PDZD2: variants seen among roughly 807,000 people sequenced by gnomAD.
The protein encoded by PDZD2 is PDZ domain containing 2.
PDZD2 carries 90 observed loss-of-function variants against 220.7 expected under a neutral mutation model. The observed-to-expected ratio is 0.41, with a 90% confidence interval of 0.34 to 0.49. PDZD2 has a LOEUF of 0.49. PDZD2 is among the 20% of genes least tolerant of loss of function. The pLI is 0.28. For synonymous variants in PDZD2, 1,375 were observed against 1,450.5 expected, an observed-to-expected ratio of 0.95 and a Z score of 1.18; for missense variants, 3,174 against 3,608.5, an observed-to-expected ratio of 0.88 and a Z score of 3.08.
At chr5:31,889,609 G>GA (rs1038114618) in intron 2 of PDZD2, among the ~76,000 whole-genome samples, 1 of 152,210 alleles carries the variant, frequency 6.6e-6, no homozygotes, top group African/African-American at 2.4e-5. Context: ...AGCCAAGGGG[G>GA]AAAAGCCCTT....
Position 32,088,400 on chromosome 5 carries a change from G to A in PDZD2, c.4952G>A (p.Cys1651Tyr). Residue 1651 changes from cysteine to tyrosine, a missense_variant, in exon 20 of 25, where the codon TGC (cysteine) becomes TAC (tyrosine). By Grantham distance (194) the Cys-to-Tyr change is radical (BLOSUM62 -2). Coordinates refer to ENST00000438447, the MANE Select transcript of PDZD2 (RefSeq NM_178140.4). This position sits in a 1 kb window ranked among gnomAD's most constrained non-coding sequence, Gnocchi z 4.6. ...GCCAGTCCCCGTGAGAAGGCCGCCT[G>A]CTTGCCAGGCTCATACACTTCAGGC... Reference protein sequence around the residue: ...SVASPREKAACLPGSYTSGPD... With the variant: ...SVASPREKAAYLPGSYTSGPD... 6.2e-7 allele frequency: 1 copy of A among 1,613,974 alleles called. No homozygotes were observed. The highest frequency in any genetic ancestry group is 8.5e-7 in the Non-Finnish European group (1 of 1,179,960).
chr5:31,985,831 C>G (rs1471373114), intron 3 of PDZD2, among the ~76,000 whole-genome samples: 2 of 152,008 alleles, frequency 1.3e-5, no homozygotes, highest in African/African-American at 4.8e-5. Context: ...GTAATCCCAG[C>G]ACTTTGGGAG....
intron 2 of PDZD2, among the ~76,000 whole-genome samples, chr5:31,876,073 T>C (rs1739272875): frequency 6.6e-6 from 1 of 152,148 alleles, no homozygotes; most frequent in African/African-American, 2.4e-5. Context: ...TGTTGTCTTC[T>C]CTTCTCCATA....
At chr5:32,007,048 A>T (rs554384350) in intron 5 of PDZD2, among the ~76,000 whole-genome samples, 15 of 151,016 alleles carry the variant, frequency 9.9e-5, no homozygotes, top group South Asian at 2.1e-4. Context: ...CCTGAGTAGC[A>T]GGGACTACAG....
intron 1 of PDZD2, among the ~76,000 whole-genome samples, chr5:31,713,955 C>T (rs1748285503): frequency 6.6e-6 from 1 of 152,202 alleles, no homozygotes; most frequent in African/African-American, 2.4e-5. Context: ...GCCAAATAAA[C>T]ATCTTTTCTT....
chr5:31,726,107 G>A (rs1386566652), intron 1 of PDZD2, among the ~76,000 whole-genome samples: 4 of 152,168 alleles, frequency 2.6e-5, no homozygotes, highest in Non-Finnish European at 5.9e-5. Context: ...AACTCACTCC[G>A]TCCTGAGCCT....
At chr5:32,001,572 C>G (rs553196140) in intron 5 of PDZD2, among the ~76,000 whole-genome samples, 17 of 152,336 alleles carry the variant, frequency 1.1e-4, no homozygotes, top group African/African-American at 3.8e-4. Context: ...CTCCACGGGT[C>G]CTCCACAGGT....
chr5:31,794,653 C>T (rs770260193), intron 1 of PDZD2, among the ~76,000 whole-genome samples: 3 of 152,066 alleles, frequency 2.0e-5, no homozygotes, highest in African/African-American at 4.8e-5. Flanking sequence ...GTGATCTGCC[C>T]GCCTGGGCCT....
intron 2 of PDZD2, among the ~76,000 whole-genome samples, chr5:31,801,978 G>A (rs1754419507): frequency 6.6e-6 from 1 of 152,104 alleles, no homozygotes; most frequent in South Asian, 2.1e-4. Flanking sequence ...TACTTGTTGG[G>A]GGAGTGACAG....
chr5:31,862,038 CATT>C (rs376637749), intron 2 of PDZD2, among the ~76,000 whole-genome samples: 424 of 148,548 alleles, frequency 2.9e-3, no homozygotes, highest in African/African-American at 0.01. Flanking sequence ...GGTATTCAAA[CATT>C]ATTGTGAATG....
chr5:31,807,021 A>T (rs980641163), intron 2 of PDZD2, among the ~76,000 whole-genome samples: 13 of 138,872 alleles, frequency 9.4e-5, no homozygotes, highest in Admixed American at 6.3e-4. Context: ...TGCAACCTCC[A>T]CCTCCCGGGT....
chr5:31,941,440 G>A (rs1438555494), intron 2 of PDZD2, among the ~76,000 whole-genome samples: 1 of 152,202 alleles, frequency 6.6e-6, no homozygotes, highest in Non-Finnish European at 1.5e-5. Context: ...ACCTGGAGGG[G>A]AAACAGAAAA....
intron 24 of PDZD2, among the ~76,000 whole-genome samples, chr5:32,101,788 CTCTT>C (rs1286204987): frequency 6.6e-6 from 1 of 152,200 alleles, no homozygotes; most frequent in Non-Finnish European, 1.5e-5. Flanking sequence ...AAATATCCAT[CTCTT>C]TATCAACTTG....
intron 1 of PDZD2, among the ~76,000 whole-genome samples, chr5:31,689,471 G>C (rs1747033082): frequency 6.7e-6 from 1 of 149,746 alleles, no homozygotes; most frequent in African/African-American, 2.5e-5. Context: ...TGAGATTACA[G>C]GTGTGAGCCA....
chr5:31,696,680 T>C (rs1747393680), intron 1 of PDZD2, among the ~76,000 whole-genome samples: 1 of 152,192 alleles, frequency 6.6e-6, no homozygotes, highest in Non-Finnish European at 1.5e-5. Context: ...TTCTCTCCCT[T>C]GCTGTCTTTC....
intron 2 of PDZD2, among the ~76,000 whole-genome samples, chr5:31,812,643 T>C (rs138586073): frequency 6.6e-6 from 1 of 152,316 alleles, no homozygotes; most frequent in East Asian, 1.9e-4. Flanking sequence ...GGACTGGAGT[T>C]TATGTAGGCT....
rs576120223 is a variant in PDZD2 at position 32,004,779 on chromosome 5, T to C, written c.1254+4508T>C. Among the ~76,000 whole-genome samples, 3 of 152,364 alleles carry C rather than the reference T, an allele frequency of 2.0e-5. No homozygotes were observed. In the East Asian group the frequency reaches 5.8e-4, roughly 29 times the overall value. ...TAGAGCCAATGGTATTAGAAAAAGA[T>C]AATGTGTTCCTGCTAGAGGCTTTGA... On this transcript the variant is annotated intron_variant, in intron 5 of 24. Transcript: ENST00000438447.
At chr5:32,003,331 C>CCCACCACCCACA (rs764711883) in intron 5 of PDZD2, among the ~76,000 whole-genome samples, 3 of 69,710 alleles carry the variant, frequency 4.3e-5, no homozygotes, top group Admixed American at 4.0e-4. Flanking sequence ...ACACACACCC[C>CCCACCACCCACA]CACCACACCA....
At chr5:32,073,232 A>T (rs1168762243) in intron 17 of PDZD2, among the ~76,000 whole-genome samples, 1 of 152,234 alleles carries the variant, frequency 6.6e-6, no homozygotes, top group Non-Finnish European at 1.5e-5. Context: ...GTTCTTATAG[A>T]AACATTTCAA....
Sources: gnomAD v4.1 joint callset for allele counts (sites outside exome capture counted in the v4.1 genomes callset) on GRCh38, gnomAD v4.1.1 for gene constraint, Gnocchi (gnomAD v3.1) non-coding constraint, MANE v1.5 for transcripts, NCBI Gene and HGNC (gene_info 2026-07-23, HGNC 2026-07-21) for gene names.